LNX1: variants seen among roughly 807,000 people sequenced by gnomAD.
The protein encoded by LNX1 is ligand of numb-protein X 1.
In LNX1, 54 loss-of-function variants were observed where a neutral mutation model predicts 68.4. That is an observed-to-expected ratio of 0.79 (90% confidence interval 0.63 to 0.99). The LOEUF (loss-of-function observed/expected upper bound fraction) is 0.99. LNX1 is among the 50% of genes least tolerant of loss of function. The pLI is 0.00. For missense variants in LNX1, 906 were observed against 926.4 expected (o/e 0.98, Z 0.29); for synonymous variants, 336 against 350.0 (o/e 0.96, Z 0.45).
intron 2 of LNX1, among the ~76,000 whole-genome samples, chr4:53,540,712 C>G (rs1291093684): frequency 2.0e-5 from 3 of 151,816 alleles, no homozygotes; most frequent in Non-Finnish European, 2.9e-5. Flanking sequence ...AAAAAAACCC[C>G]CCTGTTATTA....
At chr4:53,532,486 G>T (rs1232120570) in intron 2 of LNX1, among the ~76,000 whole-genome samples, 1 of 151,914 alleles carries the variant, frequency 6.6e-6, no homozygotes, top group Non-Finnish European at 1.5e-5. Flanking sequence ...ATAAAAAAAA[G>T]AAAGTACCTG....
At chr4:53,589,495 T>C (rs1732374701) in intron 1 of LNX1, among the ~76,000 whole-genome samples, 1 of 152,218 alleles carries the variant, frequency 6.6e-6, no homozygotes, top group Non-Finnish European at 1.5e-5. Flanking sequence ...GAAAATTCCT[T>C]CCAAAGGAAG....
chr4:53,609,337 A>G (rs1733375034), intron 2 of LNX1, among the ~76,000 whole-genome samples: 1 of 151,850 alleles, frequency 6.6e-6, no homozygotes, highest in Non-Finnish European at 1.5e-5. Flanking sequence ...AAAATATATC[A>G]CTTTAAAAAT....
At chr4:53,503,955 G>A (rs529928680) in intron 4 of LNX1, among the ~76,000 whole-genome samples, 39 of 152,316 alleles carry the variant, frequency 2.6e-4, no homozygotes, top group African/African-American at 8.4e-4. Flanking sequence ...CCAACATGGC[G>A]AAACCCTGTC....
At chr4:53,575,497 T>C (rs1731426020) in intron 1 of LNX1, 3 of 985,434 alleles carry the variant, frequency 3.0e-6, no homozygotes, top group South Asian at 9.4e-5. Flanking sequence ...GATATGCTTC[T>C]GCCCTCAGGG....
intron 4 of LNX1, among the ~76,000 whole-genome samples, chr4:53,502,934 CT>C (rs34766553): frequency 0.97 from 139,298 of 144,148 alleles, 67,363 homozygotes; most frequent in East Asian, 1. Context: ...TTGGTCATAT[CT>C]TTTTTTTTTT....
At chr4:53,582,568 T>A (rs1303553346) in intron 1 of LNX1, among the ~76,000 whole-genome samples, 2 of 152,222 alleles carry the variant, frequency 1.3e-5, no homozygotes, top group Admixed American at 6.5e-5. Flanking sequence ...TTTTTGCACA[T>A]TTAAAAGTTA....
intron 2 of LNX1, among the ~76,000 whole-genome samples, chr4:53,516,286 G>A (rs1196063061): frequency 2.0e-5 from 3 of 151,934 alleles, no homozygotes; most frequent in Non-Finnish European, 4.4e-5. Context: ...ACAGTACCTG[G>A]AATATATAGT....
chr4:53,621,121 G>A (rs1733853078), upstream of LNX1, among the ~76,000 whole-genome samples: 1 of 152,170 alleles, frequency 6.6e-6, no homozygotes, highest in Non-Finnish European at 1.5e-5. Context: ...GAGCTTGTTA[G>A]TGCAGCAGAA....
intron 1 of LNX1, among the ~76,000 whole-genome samples, chr4:53,636,087 C>T (rs979334793): frequency 6.7e-5 from 10 of 150,020 alleles, no homozygotes; most frequent in African/African-American, 1.5e-4. Flanking sequence ...CTTTATTGGT[C>T]GGCACTCCAA....
intron 9 of LNX1, 123 bp from the exon 10 acceptor site, chr4:53,461,716 T>G: frequency 3.1e-6 from 2 of 649,820 alleles, no homozygotes; most frequent in East Asian, 5.5e-5. Context: ...ACTGCATAGG[T>G]CCCACTCAAA....
chr4:53,595,477 T>C (rs535326310), upstream of LNX1, among the ~76,000 whole-genome samples: 3 of 152,318 alleles, frequency 2.0e-5, no homozygotes, highest in African/African-American at 7.2e-5. Flanking sequence ...TGCATGACAA[T>C]GGTTTTCAGC....
chr4:53,542,219 G>T (rs781659224), intron 2 of LNX1, among the ~76,000 whole-genome samples: 16 of 152,140 alleles, frequency 1.1e-4, no homozygotes, highest in Admixed American at 2.0e-4. Flanking sequence ...AAGTAAAATT[G>T]AGTTTCCAGA....
chr4:53,591,496 C>T, upstream of LNX1: 2 of 985,568 alleles, frequency 2.0e-6, no homozygotes, highest in Non-Finnish European at 2.4e-6. Flanking sequence ...TGACCAGCCT[C>T]AACTTCGGTG....
intron 1 of LNX1, among the ~76,000 whole-genome samples, chr4:53,627,836 A>G (rs1734134851): frequency 6.6e-6 from 1 of 152,152 alleles, no homozygotes; most frequent in Non-Finnish European, 1.5e-5. Flanking sequence ...AACCCTCCTC[A>G]TTAGCCAGTT....
chr4:53,462,913 CTT>C (rs1314940995), intron 9 of LNX1, among the ~76,000 whole-genome samples: 1 of 152,134 alleles, frequency 6.6e-6, no homozygotes, highest in South Asian at 2.1e-4. Flanking sequence ...ACATAACACA[CTT>C]TACATAACGG....
At chr4:53,487,274 A>G (rs1724372284) in intron 6 of LNX1, among the ~76,000 whole-genome samples, 1 of 152,234 alleles carries the variant, frequency 6.6e-6, no homozygotes. Flanking sequence ...GAAAACGTAC[A>G]GGGGGAGTAA....
At chr4:53,495,241 A>C (rs1292688738) in intron 6 of LNX1, among the ~76,000 whole-genome samples, 3 of 152,204 alleles carry the variant, frequency 2.0e-5, no homozygotes, top group Admixed American at 1.3e-4. Context: ...TTACAATTGC[A>C]TACTAATTGA....
chr4:53,472,463 T>C (rs965140144), intron 9 of LNX1, among the ~76,000 whole-genome samples: 15 of 151,720 alleles, frequency 9.9e-5, no homozygotes, highest in African/African-American at 3.2e-4. Flanking sequence ...GTTGTGCATA[T>C]GTACCCTAAA....
Sources: allele counts gnomAD v4.1 joint callset (sites outside exome capture counted in the v4.1 genomes callset), GRCh38; gene constraint gnomAD v4.1.1; transcripts MANE v1.5; gene names NCBI Gene and HGNC (gene_info 2026-07-23, HGNC 2026-07-21).